TOP3B: variants seen among roughly 807,000 people sequenced by gnomAD.
The protein encoded by TOP3B is DNA topoisomerase 3-beta-1.
A neutral mutation model predicts 93.9 loss-of-function variants in TOP3B; 45 were observed. That is an observed-to-expected ratio of 0.48 (90% CI 0.38 to 0.61). The LOEUF (loss-of-function observed/expected upper bound fraction) is 0.61. Among genes scored for constraint, TOP3B ranks in the 20% least tolerant of loss-of-function variants. TOP3B has a pLI of 0.00. For synonymous variants in TOP3B, 357 were observed against 472.6 expected (o/e 0.76, Z 3.17); for missense variants, 750 against 1,156.1 (o/e 0.65, Z 5.09).
At position 21,967,595 on chromosome 22, in the gene TOP3B, AGGCACACCT is replaced by A; in HGVS notation, c.851_852+7del. On this transcript the variant is annotated splice_donor_variant and splice_donor_5th_base_variant and coding_sequence_variant and intron_variant, in exon 8 of 18. Transcript: ENST00000357179. LOFTEE classifies it high-confidence loss of function. ...CAACTGTGATAGATGTGGGTGGAGC[AGGCACACCT>A]GGGCTTCCTTCTCCAGCTTTGTCAT... The A allele has an allele frequency of 6.2e-7, 1 of 1,612,504 alleles. No homozygotes were observed. The highest frequency in any genetic ancestry group is 8.5e-7 in the Non-Finnish European group (1 of 1,178,512).
chr22:21,965,418 A>C, intron 8 of TOP3B, 43 bp from the exon 9 acceptor site: 1 of 1,363,908 alleles, frequency 7.3e-7, no homozygotes. Flanking sequence ...GGAGGAAGAC[A>C]CCACCATAGA....
chr22:21,960,204 G>T (rs2071108158), intron 14 of TOP3B, 117 bp downstream of exon 14: 1 of 1,477,100 alleles, frequency 6.8e-7, no homozygotes, highest in Non-Finnish European at 9.3e-7. Flanking sequence ...GGGAGTGTGT[G>T]TGGGGCTGGG....
chr22:21,967,668 T>C lies in TOP3B; in HGVS notation c.787A>G (p.Arg263Gly). 6.2e-7 allele frequency: 1 copy of C among 1,614,202 alleles called. No individual in the cohort carries two copies. Among genetic ancestry groups the C allele is most frequent in the Non-Finnish European group, 8.5e-7 (1 of 1,180,024 alleles). Residue 263 changes from arginine (R) to glycine (G), a missense_variant, in exon 8 of 18, where the codon AGA becomes GGA. By Grantham distance (125) the Arg-to-Gly change is moderately radical. This residue lies in a region of TOP3B where 737 missense variants were observed against 933.7 expected (regional missense o/e 0.79). Transcript: ENST00000357179. The stretch of plus-strand genomic sequence containing the variant: ...TGTGCGATCTCCCGGTCAAACACTC[T>C]TACTCGGTCCCAGTCCAAAAGGAGA... ...RSLLLDWDRV[R>G]VFDREIAQMF... is the part of the protein sequence containing the mutation.
chr22:21,961,967 C>T, intron 13 of TOP3B: 1 of 472,026 alleles, frequency 2.1e-6, no homozygotes, highest in Non-Finnish European at 3.1e-6. Flanking sequence ...TGGAAACTTC[C>T]TGGTCACCCT....
In TOP3B at chr22:21,965,310, C is replaced by T. The variant is rs779028112; in HGVS notation, c.918G>A (p.Met306Ile). 4 of 1,602,126 alleles carry T rather than the reference C, an allele frequency of 2.5e-6. No individual in the cohort carries two copies. The East Asian group carries it at 9.1e-5, about 37-fold the overall frequency. The change falls in exon 9 of 18, where the codon ATG (methionine) becomes ATA (isoleucine). Residue 306 changes from methionine (M) to isoleucine (I), a missense_variant. By Grantham distance (10) the Met-to-Ile change is conservative (BLOSUM62 1). Coordinates refer to ENST00000357179, the MANE Select transcript of TOP3B (RefSeq NM_001282112.2). ...QRPLALNTVE[M>I]LRVASSSLGM... is the part of the protein sequence containing the mutation. ...CCAGAGAAGAGCTGGCCACACGCAGCATCTCCACAGTGTTCAGGGCCAGGG... is the reference window on the plus strand; with the variant it reads ...CCAGAGAAGAGCTGGCCACACGCAGTATCTCCACAGTGTTCAGGGCCAGGG...
chr22:21,967,813 T>A, intron 7 of TOP3B, 97 bp from the exon 8 acceptor site: 1 of 943,782 alleles, frequency 1.1e-6, no homozygotes, highest in Non-Finnish European at 1.7e-6. Context: ...GGTCCTTGTC[T>A]GGGAGCCAAA....
intron 2 of TOP3B, 182 bp downstream of exon 2, chr22:21,975,458 T>C (rs1025197893): frequency 1.7e-6 from 1 of 594,104 alleles, no homozygotes; most frequent in South Asian, 3.3e-5. Context: ...GAACCCCAGC[T>C]TTGGCACATT....
intron 3 of TOP3B, 83 bp from the exon 4 acceptor site, chr22:21,972,801 C>T: frequency 1.8e-6 from 2 of 1,134,862 alleles, no homozygotes; most frequent in South Asian, 1.3e-5. Context: ...TTGGCCTCAT[C>T]CCACAAATGA....
chr22:21,976,144 GC>G, intron 1 of TOP3B: 1 of 153,808 alleles, frequency 6.5e-6, no homozygotes, highest in Admixed American at 6.5e-5. Flanking sequence ...TGGATGCCTG[GC>G]CCTCCTCTCT....
At chr22:21,960,152 G>T in intron 14 of TOP3B, 169 bp downstream of exon 14, 1 of 1,009,790 alleles carries the variant, frequency 9.9e-7, no homozygotes, top group Non-Finnish European at 1.5e-6. Flanking sequence ...CTCTGGGCAG[G>T]TCCTGGGGGT....
chr22:21,960,382 G>C lies in TOP3B; in HGVS notation c.1593C>G (p.Ser531Arg). Residue 531 changes from serine to arginine, a missense_variant, in exon 14 of 18, where the codon AGC (serine) becomes AGG (arginine). Physicochemically the swap from Ser to Arg is moderately radical, Grantham distance 110. Transcript: ENST00000357179. ...ICQRNYVTVE[S>R]GRRLKPTNLG... ...GGTTGGTGGGCTTGAGCCGGCGCCC[G>C]CTCTCCACCGTGACATAGTTGCGCT... is the stretch of plus-strand genomic sequence containing the variant. The C allele has an allele frequency of 6.2e-7, 1 of 1,613,664 alleles. No homozygotes were observed. Among genetic ancestry groups the C allele is most frequent in the South Asian group, 1.1e-5 (1 of 91,074 alleles).
Position 21,970,098 on chromosome 22 carries a change from G to T in TOP3B, c.581+112C>A. ...TTCAGGGTTGGTGAAATCCCCTGTTGCTCATCCTGGCTCGAGGAGGCCTAG... is the reference window on the plus strand; with the variant it reads ...TTCAGGGTTGGTGAAATCCCCTGTTTCTCATCCTGGCTCGAGGAGGCCTAG... On this transcript the variant is annotated intron_variant, in intron 6 of 17. Coordinates refer to ENST00000357179, the MANE Select transcript of TOP3B (RefSeq NM_001282112.2). The surrounding 1 kb of genome is among the most constrained non-coding windows in gnomAD (Gnocchi z 4.4). 1 of 1,213,094 alleles carries T rather than the reference G, an allele frequency of 8.2e-7. No homozygotes were observed. Among genetic ancestry groups the T allele is most frequent in the Non-Finnish European group, 1.1e-6 (1 of 871,106 alleles). The allele number at this position is 1,213,094 out of a possible 1,614,324, so 75.1% of individuals were successfully genotyped here.
chr22:21,965,406 A>T, intron 8 of TOP3B, 31 bp from the exon 9 acceptor site: 9 of 1,496,110 alleles, frequency 6.0e-6, no homozygotes, highest in Non-Finnish European at 8.3e-6. Flanking sequence ...TGATTTGGGG[A>T]AGGAGGAAGA....
At position 21,963,066 on chromosome 22, in the gene TOP3B, G is replaced by T; in HGVS notation, c.1205-173C>A. Reference sequence around the variant, plus strand: ...ATGTGCAGGAAGGCCGGGCGTGGTGGCTCATGCCTGTAATCCTAGCACTCT... The same window carrying T: ...ATGTGCAGGAAGGCCGGGCGTGGTGTCTCATGCCTGTAATCCTAGCACTCT... On this transcript the variant is annotated intron_variant, in intron 11 of 17. Coordinates refer to ENST00000357179, the MANE Select transcript of TOP3B (RefSeq NM_001282112.2). This position sits in a 1 kb window ranked among gnomAD's most constrained non-coding sequence, Gnocchi z 4.8. 1.4e-6 allele frequency: 1 copy of T among 727,946 alleles called. No homozygotes were observed. Among genetic ancestry groups the T allele is most frequent in the Non-Finnish European group, 2.3e-6 (1 of 438,846 alleles). 45.1% of individuals were successfully genotyped at this position (727,946 alleles called of 1,614,324 possible). A position where few individuals can be genotyped will look rare whatever the true frequency, so the allele number is the denominator to read the frequency against.
chr22:21,970,103 T>C lies in TOP3B; in HGVS notation c.581+107A>G. The C allele has an allele frequency of 7.8e-7, 1 of 1,284,758 alleles. No homozygotes were observed. The allele number at this position is 1,284,758 out of a possible 1,614,324, so 79.6% of individuals were successfully genotyped here. A position where few individuals can be genotyped will look rare whatever the true frequency, so the allele number is the denominator to read the frequency against. ...GGTTGGTGAAATCCCCTGTTGCTCA[T>C]CCTGGCTCGAGGAGGCCTAGGGGCC... is the stretch of plus-strand genomic sequence containing the variant. On this transcript the variant is annotated intron_variant, in intron 6 of 17. Coordinates refer to ENST00000357179, the MANE Select transcript of TOP3B (RefSeq NM_001282112.2). The surrounding 1 kb of genome is among the most constrained non-coding windows in gnomAD (Gnocchi z 4.4).
At chr22:21,978,029 C>T (rs1194638063) in intron 1 of TOP3B, among the ~76,000 whole-genome samples, 2 of 151,292 alleles carry the variant, frequency 1.3e-5, no homozygotes, top group Non-Finnish European at 2.9e-5. Context: ...GCTCATGGGG[C>T]TGAGGGAGGG....
At chr22:21,960,003 C>T (rs1204594101) in intron 14 of TOP3B, 3 of 619,668 alleles carry the variant, frequency 4.8e-6, no homozygotes, top group East Asian at 2.8e-5. Context: ...GAGCTCCAGG[C>T]CGCCCTTGGG....
At chr22:21,982,174 A>C (rs191609506) in intron 1 of TOP3B, 1 of 152,192 alleles carries the variant, frequency 6.6e-6, no homozygotes, top group African/African-American at 2.4e-5. Context: ...TGAGAAGATA[A>C]AAAGGCAAGA....
Position 21,970,207 on chromosome 22 carries a change from C to G in TOP3B, c.581+3G>C. 1 of 1,609,876 alleles carries G rather than the reference C, an allele frequency of 6.2e-7. No homozygotes were observed. On this transcript the variant is annotated splice_donor_region_variant and intron_variant, in intron 6 of 17. Transcript: ENST00000357179. This position sits in a 1 kb window ranked among gnomAD's most constrained non-coding sequence, Gnocchi z 4.4. Reference sequence around the variant, plus strand: ...CCCAGGACTCTGCGGGTGTGGCCAGCACCTGGTGAATGCACAGCCGATTCG... The same window carrying G: ...CCCAGGACTCTGCGGGTGTGGCCAGGACCTGGTGAATGCACAGCCGATTCG...
Sources: allele counts gnomAD v4.1 joint callset (sites outside exome capture counted in the v4.1 genomes callset), GRCh38; gene constraint gnomAD v4.1.1; regional missense constraint gnomAD v4.1.1; non-coding constraint Gnocchi (gnomAD v3.1); transcripts MANE v1.5; gene names NCBI Gene and HGNC (gene_info 2026-07-23, HGNC 2026-07-21).